Variants in FBXW11 observed in about 807,000 individuals in gnomAD.
FBXW11 encodes F-box and WD repeat domain containing 11.
In FBXW11, 19 loss-of-function variants were observed where a neutral mutation model predicts 77.6. The ratio of observed to expected loss-of-function variants is 0.24; its 90% CI spans 0.17 to 0.36. The LOEUF (loss-of-function observed/expected upper bound fraction) is 0.36. FBXW11 is among the 10% of genes least tolerant of loss of function. FBXW11 has a pLI of 1.00. For synonymous variants in FBXW11, 235 were observed against 249.4 expected, an observed-to-expected ratio of 0.94 and a Z score of 0.54; for missense variants, 334 against 704.2, an observed-to-expected ratio of 0.47 and a Z score of 5.95.
chr5:171,928,415 T>C (rs967134185), intron 2 of FBXW11, among the ~76,000 whole-genome samples: 1 of 152,148 alleles, frequency 6.6e-6, no homozygotes, highest in Admixed American at 6.5e-5. Context: ...TCATTAGCAA[T>C]CTCAAGGGAC....
chr5:171,952,447 A>ATATATATATATATATATTTTTTTT, intron 2 of FBXW11, among the ~76,000 whole-genome samples: 4 of 6,938 alleles, frequency 5.8e-4, no homozygotes, highest in East Asian at 0.021. Context: ...ATATATATAT[A>ATATATATATATATATATTTTTTTT]TTTTTTTTTT....
Position 171,976,575 on chromosome 5 carries a change from A to G in FBXW11, c.46-18877T>C, listed in dbSNP as rs1764839602. Among the ~76,000 whole-genome samples the G allele has an allele frequency of 2.0e-5, 3 of 152,162 alleles. No individual in the cohort carries two copies. In the South Asian group the frequency reaches 6.2e-4, roughly 32 times the overall value. ...TTTAGGTCATGAGGGCTCCACTCTC[A>G]TGAATGGATTAATGCCAATTATAAA... On this transcript the variant is annotated intron_variant, in intron 1 of 13. Coordinates refer to ENST00000517395, the MANE Select transcript of FBXW11 (RefSeq NM_001378974.1).
chr5:171,912,626 GC>G (rs1232486509), intron 3 of FBXW11, among the ~76,000 whole-genome samples: 5 of 152,086 alleles, frequency 3.3e-5, no homozygotes, highest in African/African-American at 1.2e-4. Flanking sequence ...TAAGATTTTG[GC>G]CAGGCATGGT....
intron 2 of FBXW11, among the ~76,000 whole-genome samples, chr5:171,923,962 G>A (rs183164868): frequency 1.1e-3 from 119 of 107,168 alleles, no homozygotes; most frequent in African/African-American, 4.2e-3. Context: ...GTCTTGCTCT[G>A]TTGCCCAGGC....
intron 7 of FBXW11, among the ~76,000 whole-genome samples, chr5:171,881,444 C>T (rs1393257768): frequency 5.9e-5 from 9 of 152,180 alleles, no homozygotes; most frequent in Admixed American, 3.3e-4. Flanking sequence ...TTCTCAAACG[C>T]CCTTTCTGCA....
rs1757119546 is a variant in FBXW11, at chr5:171,862,002, C to A, written c.*2125G>T. 2.0e-5 allele frequency: 3 copies of A among 152,704 alleles called. No individual in the cohort carries two copies. In the South Asian group the frequency reaches 6.2e-4, roughly 32 times the overall value. 9.5% of individuals were successfully genotyped at this position (152,704 alleles called of 1,614,324 possible). A position where few individuals can be genotyped will look rare whatever the true frequency, so the allele number is the denominator to read the frequency against. On this transcript the variant is annotated 3_prime_UTR_variant, in exon 14 of 14. Coordinates refer to ENST00000517395, the MANE Select transcript of FBXW11 (RefSeq NM_001378974.1). The stretch of plus-strand genomic sequence containing the variant: ...GTCCCCTGCTATAATTTAGTAGGCA[C>A]AATTCAAAGGTTGTCTGCATATTCA...
chr5:171,896,243 A>C (rs749385878), intron 6 of FBXW11, among the ~76,000 whole-genome samples: 26 of 152,182 alleles, frequency 1.7e-4, no homozygotes, highest in Non-Finnish European at 3.4e-4. Flanking sequence ...AAAAAAGAAA[A>C]AGGTGTTGTG....
At chr5:171,899,321 C>T (rs569318611) in intron 5 of FBXW11, among the ~76,000 whole-genome samples, 45 of 152,248 alleles carry the variant, frequency 3.0e-4, no homozygotes, top group Admixed American at 2.5e-3. Context: ...TAATATGTAA[C>T]AATCTAGCCT....
At chr5:171,963,727 G>A (rs1764033426) in intron 1 of FBXW11, among the ~76,000 whole-genome samples, 1 of 152,140 alleles carries the variant, frequency 6.6e-6, no homozygotes, top group Non-Finnish European at 1.5e-5. Context: ...GGTAAGGGGT[G>A]AAGCATAACA....
intron 1 of FBXW11, among the ~76,000 whole-genome samples, chr5:171,983,788 A>G (rs892220435): frequency 6.6e-6 from 1 of 152,178 alleles, no homozygotes; most frequent in Non-Finnish European, 1.5e-5. Context: ...CCCATTACCC[A>G]GTAATTCTGT....
At chr5:171,902,681 C>G (rs1031439156) in intron 4 of FBXW11, among the ~76,000 whole-genome samples, 1 of 152,230 alleles carries the variant, frequency 6.6e-6, no homozygotes, top group Non-Finnish European at 1.5e-5. Flanking sequence ...ACAAGCTGTA[C>G]AGGGCACAAT....
At chr5:171,968,273 G>A (rs1427405409) in intron 1 of FBXW11, among the ~76,000 whole-genome samples, 4 of 151,952 alleles carry the variant, frequency 2.6e-5, no homozygotes, top group Admixed American at 6.6e-5. Context: ...CGGCTAACAC[G>A]GTGAAACCCC....
chr5:171,887,189 TC>T (rs905193521), intron 7 of FBXW11, among the ~76,000 whole-genome samples: 3 of 152,100 alleles, frequency 2.0e-5, no homozygotes, highest in Non-Finnish European at 4.4e-5. Flanking sequence ...TATCTAAACT[TC>T]CTTGGAGGGC....
intron 1 of FBXW11, among the ~76,000 whole-genome samples, chr5:171,999,279 G>A (rs765040184): frequency 6.6e-6 from 1 of 151,858 alleles, no homozygotes; most frequent in African/African-American, 2.4e-5. Flanking sequence ...TGCAAAACAA[G>A]TTATAGCAAA....
chr5:171,946,725 G>C (rs1479487273), intron 2 of FBXW11, among the ~76,000 whole-genome samples: 1 of 149,552 alleles, frequency 6.7e-6, no homozygotes, highest in Non-Finnish European at 1.5e-5. Context: ...TAAAACTGAA[G>C]CCCTTCCCAA....
intron 9 of FBXW11, among the ~76,000 whole-genome samples, chr5:171,873,641 C>CA (rs889307038): frequency 6.6e-5 from 10 of 152,046 alleles, no homozygotes; most frequent in African/African-American, 1.2e-4. Flanking sequence ...GACTTTGTCT[C>CA]AAAAAACAAA....
At position 171,876,477 on chromosome 5, in the gene FBXW11, A is replaced by T; in HGVS notation, c.1029T>A (p.Ala343=). Residue 343 remains alanine (A), a synonymous_variant, in exon 9 of 14, where the codon GCT becomes GCA. Coordinates refer to ENST00000517395, the MANE Select transcript of FBXW11 (RefSeq NM_001378974.1). The surrounding 1 kb of genome is among the most constrained non-coding windows in gnomAD (Gnocchi z 4.2). The stretch of plus-strand genomic sequence containing the variant: ...CATTGCTGAAGCGTAAGTGCAATAC[A>T]GCCTCATTGTGGTGGATCAATGTGT... ...VLNTLIHHNE[A]VLHLRFSNGL... The T allele has an allele frequency of 6.2e-7, 1 of 1,614,220 alleles. No homozygotes were observed. The highest frequency in any genetic ancestry group is 8.5e-7 in the Non-Finnish European group (1 of 1,180,038).
intron 1 of FBXW11, among the ~76,000 whole-genome samples, chr5:172,000,080 C>A (rs552163963): frequency 6.6e-6 from 1 of 152,190 alleles, no homozygotes; most frequent in Admixed American, 6.5e-5. Flanking sequence ...TAAGCAATTG[C>A]GATCAGCAGA....
intron 1 of FBXW11, among the ~76,000 whole-genome samples, chr5:172,004,660 T>C (rs1766618914): frequency 1.3e-5 from 2 of 152,196 alleles, no homozygotes; most frequent in Admixed American, 6.5e-5. Flanking sequence ...TTACAATTTT[T>C]CGATATGAAG....
Sources: gnomAD v4.1 joint callset for allele counts (sites outside exome capture counted in the v4.1 genomes callset) on GRCh38, gnomAD v4.1.1 for gene constraint, Gnocchi (gnomAD v3.1) non-coding constraint, MANE v1.5 for transcripts, NCBI Gene and HGNC (gene_info 2026-07-23, HGNC 2026-07-21) for gene names.